The following RAPGEF4 variants were observed in gnomAD, a reference collection of about 807,000 sequenced individuals.
RAPGEF4 encodes RAP guanine-nucleotide-exchange factor (GEF) 4.
A neutral mutation model predicts 147.9 loss-of-function variants in RAPGEF4; 66 were observed. The ratio of observed to expected loss-of-function variants is 0.45; its 90% CI spans 0.37 to 0.55. RAPGEF4 has a LOEUF of 0.55. Ranked by LOEUF, RAPGEF4 falls within the 20% of genes least tolerant of loss-of-function variation. RAPGEF4 has a pLI of 0.00. For missense variants in RAPGEF4, 1,071 were observed against 1,257.3 expected (o/e 0.85, Z 2.24); for synonymous variants, 419 against 442.7 (o/e 0.95, Z 0.67).
chr2:172,769,401 C>G (rs1697148164), intron 1 of RAPGEF4, among the ~76,000 whole-genome samples: 1 of 152,158 alleles, frequency 6.6e-6, no homozygotes, highest in South Asian at 2.1e-4. Flanking sequence ...GCCTGAAGAA[C>G]AGACAGTAGC....
chr2:172,822,102 C>A (rs878971286), intron 4 of RAPGEF4: 1 of 1,175,404 alleles, frequency 8.5e-7, no homozygotes, highest in Non-Finnish European at 1.2e-6. Context: ...TTCCACCAGA[C>A]CCAAATATGT....
chr2:172,867,301 C>A (rs1575083530), intron 4 of RAPGEF4, among the ~76,000 whole-genome samples: 1 of 152,060 alleles, frequency 6.6e-6, no homozygotes, highest in African/African-American at 2.4e-5. Flanking sequence ...ATAAAAAAAA[C>A]CTTTGACTGT....
intron 4 of RAPGEF4, among the ~76,000 whole-genome samples, chr2:172,902,195 A>C (rs957253227): frequency 2.6e-5 from 4 of 152,128 alleles, no homozygotes; most frequent in Admixed American, 2.0e-4. Context: ...CTGAGGCTGG[A>C]GGGAAGGCAG....
intron 4 of RAPGEF4, among the ~76,000 whole-genome samples, chr2:172,856,015 A>G (rs1246289966): frequency 2.0e-5 from 3 of 152,110 alleles, no homozygotes. Flanking sequence ...TTTTTTAACC[A>G]AATTTTGGGA....
At chr2:173,046,490 C>T (rs1214457290) in intron 29 of RAPGEF4, among the ~76,000 whole-genome samples, 1 of 152,132 alleles carries the variant, frequency 6.6e-6, no homozygotes, top group East Asian at 1.9e-4. Context: ...CAGCATTTCC[C>T]AGGGTTTTCG....
chr2:172,755,398 C>T (rs1024942055), intron 1 of RAPGEF4, among the ~76,000 whole-genome samples: 2 of 151,682 alleles, frequency 1.3e-5, no homozygotes, highest in Admixed American at 6.6e-5. Flanking sequence ...CTTTTAAAAA[C>T]GGTTTATTTA....
intron 4 of RAPGEF4, among the ~76,000 whole-genome samples, chr2:172,826,888 C>T (rs141648225): frequency 5.3e-4 from 80 of 151,874 alleles, no homozygotes; most frequent in African/African-American, 1.9e-3. Context: ...CACGTAAGCC[C>T]TGGGAGCTTG....
intron 1 of RAPGEF4, among the ~76,000 whole-genome samples, chr2:172,741,566 C>T (rs565815693): frequency 1.3e-5 from 2 of 152,256 alleles, no homozygotes; most frequent in African/African-American, 4.8e-5. Context: ...TCTATTCTTC[C>T]TCCTTAAATC....
chr2:173,050,526 A>C (rs182798274), intron 30 of RAPGEF4, among the ~76,000 whole-genome samples: 1 of 152,150 alleles, frequency 6.6e-6, no homozygotes, highest in Non-Finnish European at 1.5e-5. Flanking sequence ...ACCAGACTGC[A>C]GAAGGCAGTG....
chr2:173,006,230 G>A (rs1413455431), intron 17 of RAPGEF4, among the ~76,000 whole-genome samples: 1 of 152,216 alleles, frequency 6.6e-6, no homozygotes, highest in African/African-American at 2.4e-5. Flanking sequence ...ACAGGGGTCT[G>A]TGATAACATC....
chr2:172,771,210 G>A (rs925288865), intron 1 of RAPGEF4, among the ~76,000 whole-genome samples: 1 of 152,058 alleles, frequency 6.6e-6, no homozygotes, highest in Non-Finnish European at 1.5e-5. Flanking sequence ...TTTGGTCAGG[G>A]CCTGGTCTCT....
intron 1 of RAPGEF4, among the ~76,000 whole-genome samples, chr2:172,774,172 CA>C (rs1332489840): frequency 6.6e-6 from 1 of 152,228 alleles, no homozygotes; most frequent in Non-Finnish European, 1.5e-5. Context: ...AAAAGCATGA[CA>C]TATGGAGCCC....
At chr2:172,919,480 T>G (rs1684478788) in intron 5 of RAPGEF4, among the ~76,000 whole-genome samples, 1 of 152,068 alleles carries the variant, frequency 6.6e-6, no homozygotes, top group African/African-American at 2.4e-5. Flanking sequence ...TTATCCTGGC[T>G]TCCTCCTCTC....
intron 6 of RAPGEF4, among the ~76,000 whole-genome samples, chr2:172,946,350 A>G (rs1275859955): frequency 1.3e-5 from 2 of 152,230 alleles, no homozygotes; most frequent in Non-Finnish European, 1.5e-5. Context: ...ATACTTTCCA[A>G]TAAGCATGCA....
chr2:172,819,461 C>CTTTTTTTTTTTTTTTTTTTTTT (rs1242605865), intron 4 of RAPGEF4, among the ~76,000 whole-genome samples: 2 of 87,014 alleles, frequency 2.3e-5, no homozygotes, highest in Non-Finnish European at 2.1e-5. Context: ...ATTTTTAGTT[C>CTTTTTTTTTTTTTTTTTTTTTT]TTTTTTTTTT....
At chr2:172,975,063 G>A (rs141039334) in intron 10 of RAPGEF4, among the ~76,000 whole-genome samples, 68 of 152,220 alleles carry the variant, frequency 4.5e-4, no homozygotes, top group South Asian at 2.3e-3. Context: ...CAGGATGCCC[G>A]GTTAAATTGG....
chr2:172,772,718 C>T (rs927419675), intron 1 of RAPGEF4, among the ~76,000 whole-genome samples: 1 of 152,174 alleles, frequency 6.6e-6, no homozygotes, highest in Non-Finnish European at 1.5e-5. Flanking sequence ...GTTTGTTGAA[C>T]GAGTATGTGA....
At chr2:172,869,536 A>G (rs746192310) in intron 4 of RAPGEF4, among the ~76,000 whole-genome samples, 2 of 152,124 alleles carry the variant, frequency 1.3e-5, no homozygotes, top group African/African-American at 2.4e-5. Context: ...TAATATTTAG[A>G]TGTTTCACCC....
intron 18 of RAPGEF4, among the ~76,000 whole-genome samples, chr2:173,015,599 A>G (rs1347956022): frequency 6.6e-6 from 1 of 152,202 alleles, no homozygotes; most frequent in Non-Finnish European, 1.5e-5. Flanking sequence ...TTGGGGTCAT[A>G]CATTGACTCA....
Sources: gnomAD v4.1 joint callset for allele counts (sites outside exome capture counted in the v4.1 genomes callset) on GRCh38, gnomAD v4.1.1 for gene constraint, MANE v1.5 for transcripts, NCBI Gene and HGNC (gene_info 2026-07-23, HGNC 2026-07-21) for gene names.